PLXDC2: variants seen among roughly 807,000 people sequenced by gnomAD.
PLXDC2 encodes the protein plexin domain-containing protein 2.
Under a neutral mutation model 68.9 loss-of-function variants are expected in PLXDC2, and 40 were observed. The observed-to-expected ratio is 0.58, with a 90% CI of 0.45 to 0.76. The LOEUF is 0.76. Ranked by LOEUF, PLXDC2 falls within the 30% of genes least tolerant of loss-of-function variation. PLXDC2 has a pLI of 0.00. For missense variants in PLXDC2, 644 were observed against 661.9 expected (o/e 0.97, Z 0.30); for synonymous variants, 243 against 234.2 (o/e 1.04, Z -0.34).
intron 4 of PLXDC2, among the ~76,000 whole-genome samples, chr10:20,131,266 G>A (rs1258933077): frequency 1.3e-5 from 2 of 150,982 alleles, no homozygotes; most frequent in African/African-American, 4.9e-5. Context: ...GTTCCGACGT[G>A]GTAATATGTA....
At chr10:20,146,482 T>TCC in intron 5 of PLXDC2, among the ~76,000 whole-genome samples, 1 of 145,186 alleles carries the variant, frequency 6.9e-6, no homozygotes, top group African/African-American at 2.6e-5. Flanking sequence ...TTTCTTTTCT[T>TCC]TTCTTTTTCC....
chr10:20,028,260 A>G (rs1379037682), intron 2 of PLXDC2, among the ~76,000 whole-genome samples: 1 of 152,134 alleles, frequency 6.6e-6, no homozygotes, highest in African/African-American at 2.4e-5. Context: ...GGGGTTTGGA[A>G]TTTTTCAAGG....
At chr10:20,058,698 C>A (rs969915479) in intron 3 of PLXDC2, among the ~76,000 whole-genome samples, 1 of 152,130 alleles carries the variant, frequency 6.6e-6, no homozygotes, top group Non-Finnish European at 1.5e-5. Flanking sequence ...ACGATAAACA[C>A]AAAATATTTT....
At chr10:20,170,630 A>C (rs1834435719) in intron 7 of PLXDC2, among the ~76,000 whole-genome samples, 1 of 152,180 alleles carries the variant, frequency 6.6e-6, no homozygotes, top group Non-Finnish European at 1.5e-5. Flanking sequence ...CCAGTATGCT[A>C]TTCAGAGCTT....
rs1835067370 is a variant in PLXDC2, at chr10:20,008,879, T to C, written c.324+6893T>C. ...TGCCTGTCGCCATGCAAGACATGAC[T>C]TTGCTCCTCCTTCACCTTCTGCCGT... On this transcript the variant is annotated intron_variant, in intron 2 of 13. Transcript: ENST00000377252. Among the ~76,000 whole-genome samples, 4 of 152,292 alleles carry C rather than the reference T, an allele frequency of 2.6e-5. No homozygotes were observed. In the South Asian group the frequency reaches 8.3e-4, roughly 32 times the overall value.
Position 20,284,330 on chromosome 10 carries a change from T to TATATACACACACAC in PLXDC2, c.*4512_*4513insTATACACACACACA, listed in dbSNP as rs1484131963. On this transcript the variant is annotated 3_prime_UTR_variant, in exon 14 of 14. Transcript: ENST00000377252. Reference sequence around the variant, plus strand: ...AAATATACATATATATATATATATATACACACACACACACACACACACAAA... The same window carrying TATATACACACACAC: ...AAATATACATATATATATATATATATATATACACACACACACACACACACACACACACACACAAA... 1 of 126,338 alleles carries TATATACACACACAC rather than the reference T, an allele frequency of 7.9e-6. No individual in the cohort carries two copies. The highest frequency in any genetic ancestry group is 1.7e-5 in the Non-Finnish European group (1 of 59,670). 7.8% of individuals were successfully genotyped at this position (126,338 alleles called of 1,614,324 possible).
chr10:19,906,730 A>G (rs138844012), intron 1 of PLXDC2, among the ~76,000 whole-genome samples: 1 of 152,268 alleles, frequency 6.6e-6, no homozygotes, highest in Non-Finnish European at 1.5e-5. Context: ...AAATACAGAT[A>G]ATAAAGACAT....
At chr10:20,262,887 T>C (rs955592029) in intron 13 of PLXDC2, among the ~76,000 whole-genome samples, 2 of 152,212 alleles carry the variant, frequency 1.3e-5, no homozygotes, top group Non-Finnish European at 2.9e-5. Flanking sequence ...CAGCCACCTC[T>C]TGCCAGATAT....
chr10:20,265,667 A>G (rs1434707653), intron 13 of PLXDC2, among the ~76,000 whole-genome samples: 1 of 152,196 alleles, frequency 6.6e-6, no homozygotes, highest in Non-Finnish European at 1.5e-5. Context: ...TCTGAGCCTC[A>G]TGTAAGTCAT....
intron 13 of PLXDC2, among the ~76,000 whole-genome samples, chr10:20,250,010 C>G (rs2065454): frequency 0.89 from 135,588 of 152,006 alleles, 61,131 homozygotes; most frequent in African/African-American, 0.97. Flanking sequence ...GCTCACGCCT[C>G]TAATCCCAGC....
chr10:20,010,082 T>G (rs1346481137), intron 2 of PLXDC2, among the ~76,000 whole-genome samples: 1 of 152,172 alleles, frequency 6.6e-6, no homozygotes, highest in African/African-American at 2.4e-5. Context: ...AAATTTTGCC[T>G]GAACTTCTGT....
At chr10:20,279,567 A>T in intron 13 of PLXDC2, 136 bp from the exon 14 acceptor site, 2 of 695,516 alleles carry the variant, frequency 2.9e-6, no homozygotes, top group Non-Finnish European at 4.9e-6. Flanking sequence ...CTTAATTCTG[A>T]CTGTAGCTAT....
intron 1 of PLXDC2, 102 bp downstream of exon 1, chr10:19,817,293 C>G: frequency 1.1e-6 from 1 of 942,442 alleles, no homozygotes; most frequent in Non-Finnish European, 1.6e-6. Context: ...ACCTATCTGC[C>G]CTTGGGAAAC....
chr10:20,011,545 T>C (rs1835115559), intron 2 of PLXDC2, among the ~76,000 whole-genome samples: 1 of 152,222 alleles, frequency 6.6e-6, no homozygotes. Flanking sequence ...GTGGGGGCCA[T>C]AACTCATCTT....
intron 4 of PLXDC2, among the ~76,000 whole-genome samples, chr10:20,107,964 G>A (rs190096281): frequency 3.3e-5 from 5 of 152,150 alleles, no homozygotes; most frequent in African/African-American, 9.6e-5. Context: ...TTTGTACCAG[G>A]TTTTGTAAAT....
chr10:20,073,737 G>C (rs1019289708), intron 4 of PLXDC2, among the ~76,000 whole-genome samples: 1 of 152,040 alleles, frequency 6.6e-6, no homozygotes, highest in Admixed American at 6.6e-5. Flanking sequence ...CATCAAAACA[G>C]TTTCATTAGT....
intron 12 of PLXDC2, among the ~76,000 whole-genome samples, chr10:20,239,183 G>A (rs773990964): frequency 1.3e-5 from 2 of 152,132 alleles, no homozygotes; most frequent in East Asian, 1.9e-4. Context: ...AAAGATGCTT[G>A]TTTAGTTTTT....
chr10:20,054,794 G>T (rs1405915918), intron 3 of PLXDC2, among the ~76,000 whole-genome samples: 1 of 151,906 alleles, frequency 6.6e-6, no homozygotes, highest in East Asian at 1.9e-4. Context: ...CATGGCACAT[G>T]TATACATATG....
chr10:20,258,300 C>G (rs1202130685), intron 13 of PLXDC2, among the ~76,000 whole-genome samples: 1 of 151,948 alleles, frequency 6.6e-6, no homozygotes, highest in Non-Finnish European at 1.5e-5. Context: ...CGTGCCTGCC[C>G]AGTTTTCTTT....
Sources: allele counts gnomAD v4.1 joint callset (sites outside exome capture counted in the v4.1 genomes callset), GRCh38; gene constraint gnomAD v4.1.1; transcripts MANE v1.5; gene names NCBI Gene and HGNC (gene_info 2026-07-23, HGNC 2026-07-21).